Variants in GRIN2A observed in about 807,000 individuals in gnomAD.
The protein encoded by GRIN2A is glutamate ionotropic receptor NMDA type subunit 2A, also known as glutamate receptor ionotropic, NMDA 2A.
A neutral mutation model predicts 113.4 loss-of-function variants in GRIN2A; 22 were observed. The observed-to-expected ratio is 0.19, with a 90% confidence interval of 0.14 to 0.28. The LOEUF is 0.28. GRIN2A is among the 10% of genes least tolerant of loss of function. The pLI is 1.00. For missense variants in GRIN2A, 1,502 were observed against 1,887.0 expected (o/e 0.80, Z 3.78); for synonymous variants, 827 against 738.4 (o/e 1.12, Z -1.94).
At chr16:10,138,302 G>T (rs73514637) in intron 2 of GRIN2A, among the ~76,000 whole-genome samples, 3,609 of 152,266 alleles carry the variant, frequency 0.024, 134 homozygotes, top group African/African-American at 0.083. Flanking sequence ...ACAATGTAAA[G>T]AACTATCTGA....
chr16:10,045,686 T>G (rs533590960), intron 2 of GRIN2A, among the ~76,000 whole-genome samples: 3 of 152,396 alleles, frequency 2.0e-5, no homozygotes, highest in Admixed American at 6.5e-5. Context: ...AAAAGAGCTG[T>G]ATTTGTCTCC....
chr16:9,947,668 T>C (rs2045051634), intron 2 of GRIN2A, among the ~76,000 whole-genome samples: 1 of 152,238 alleles, frequency 6.6e-6, no homozygotes, highest in African/African-American at 2.4e-5. Flanking sequence ...TGTATGTTCC[T>C]GTTATCAAAG....
chr16:9,821,988 A>G (rs1034314331), intron 10 of GRIN2A, among the ~76,000 whole-genome samples: 6 of 152,184 alleles, frequency 3.9e-5, no homozygotes, highest in African/African-American at 7.2e-5. Context: ...AAAATATCCT[A>G]TGGAGTTGGA....
In GRIN2A at chr16:9,938,271, G is replaced by C. The variant is rs747198986; in HGVS notation, c.695C>G (p.Ser232Cys). Residue 232 changes from serine (S) to cysteine (C), a missense_variant, in exon 3 of 13, where the codon TCC becomes TGC. By Grantham distance (112) the Ser-to-Cys change is moderately radical. Around this residue, in one of 7 missense-constraint regions of GRIN2A, gnomAD observed 334 missense variants for 403.0 expected, o/e 0.83. Coordinates refer to ENST00000330684, the MANE Select transcript of GRIN2A (RefSeq NM_001134407.3). ...IHSSVILLYC[S>C]KDEAVLILSE... ...CAGAATGAGAACAGCCTCGTCTTTG[G>C]AACAGTAGAGCAAGATGACAGAAGA... 1 of 1,614,068 alleles carries C rather than the reference G, an allele frequency of 6.2e-7. No homozygotes were observed. The highest frequency in any genetic ancestry group is 1.3e-5 in the African/African-American group (1 of 75,046).
intron 4 of GRIN2A, among the ~76,000 whole-genome samples, chr16:9,889,696 T>C (rs959812255): frequency 6.6e-6 from 1 of 152,236 alleles, no homozygotes; most frequent in Non-Finnish European, 1.5e-5. Flanking sequence ...AATGTCTTTC[T>C]GATTTCTTCT....
At chr16:9,876,872 G>T (rs574595433) in intron 4 of GRIN2A, among the ~76,000 whole-genome samples, 2 of 152,190 alleles carry the variant, frequency 1.3e-5, no homozygotes, top group East Asian at 1.9e-4. Context: ...ATGGGAAAAT[G>T]GTTCAATCCC....
Position 10,180,719 on chromosome 16 carries a change from A to G in GRIN2A, c.-18-290T>C. ...CACTTCCCCATCCCCATCTCTGTCC[A>G]TATCCCCCACCGCATTCCCCAAGTT... On this transcript the variant is annotated intron_variant, in intron 1 of 12. Coordinates refer to ENST00000330684, the MANE Select transcript of GRIN2A (RefSeq NM_001134407.3). This position sits in a 1 kb window ranked among gnomAD's most constrained non-coding sequence, Gnocchi z 7.0. 3.7e-6 allele frequency: 2 copies of G among 539,128 alleles called. No homozygotes were observed. Among genetic ancestry groups the G allele is most frequent in the Non-Finnish European group, 6.6e-6 (2 of 300,828 alleles). The allele number at this position is 539,128 out of a possible 1,614,324, so 33.4% of individuals were successfully genotyped here. A position where few individuals can be genotyped will look rare whatever the true frequency, so the allele number is the denominator to read the frequency against.
chr16:9,835,443 A>G (rs1286716682), intron 7 of GRIN2A, among the ~76,000 whole-genome samples: 1 of 152,160 alleles, frequency 6.6e-6, no homozygotes, highest in Non-Finnish European at 1.5e-5. Context: ...TTACTATTCA[A>G]CTTGATTGAG....
intron 2 of GRIN2A, among the ~76,000 whole-genome samples, chr16:9,972,403 T>A (rs1251072127): frequency 5.3e-5 from 8 of 151,940 alleles, no homozygotes; most frequent in African/African-American, 1.9e-4. Context: ...ACTTTACATA[T>A]AAGAAATAGG....
intron 1 of GRIN2A, among the ~76,000 whole-genome samples, chr16:10,181,174 T>C (rs2050263501): frequency 1.1e-3 from 1 of 910 alleles, no homozygotes; most frequent in African/African-American, 1.6e-3. Context: ...CCTTCACCCC[T>C]ACACGCGCGC....
chr16:9,787,105 T>G (rs1567296381), intron 11 of GRIN2A, among the ~76,000 whole-genome samples: 2 of 152,210 alleles, frequency 1.3e-5, no homozygotes, highest in Non-Finnish European at 2.9e-5. Flanking sequence ...TGCAAAGCCA[T>G]TCTTGTTGGG....
intron 3 of GRIN2A, among the ~76,000 whole-genome samples, chr16:9,907,514 T>A (rs996439817): frequency 6.6e-6 from 1 of 152,178 alleles, no homozygotes; most frequent in African/African-American, 2.4e-5. Context: ...GCTGGTGTGA[T>A]GGAACGGCTC....
intron 4 of GRIN2A, among the ~76,000 whole-genome samples, chr16:9,863,885 G>A (rs915396752): frequency 2.0e-5 from 3 of 152,186 alleles, no homozygotes; most frequent in Non-Finnish European, 4.4e-5. Flanking sequence ...CTTCTTGGAG[G>A]AGAAAACTAG....
At chr16:9,784,725 A>T (rs914255187) in intron 11 of GRIN2A, among the ~76,000 whole-genome samples, 1 of 152,206 alleles carries the variant, frequency 6.6e-6, no homozygotes, top group Non-Finnish European at 1.5e-5. Flanking sequence ...ATCTACAATG[A>T]ACTCAAACAA....
chr16:9,974,574 G>T (rs945828150), intron 2 of GRIN2A, among the ~76,000 whole-genome samples: 2 of 152,178 alleles, frequency 1.3e-5, no homozygotes, highest in Non-Finnish European at 2.9e-5. Flanking sequence ...GAGTCTTGCC[G>T]ATGCTCGCGG....
chr16:10,146,794 C>T (rs1000772983), intron 2 of GRIN2A, among the ~76,000 whole-genome samples: 2 of 152,024 alleles, frequency 1.3e-5, no homozygotes, highest in African/African-American at 2.4e-5. Flanking sequence ...TTCCCCATCC[C>T]TCATGTCCAC....
At chr16:10,046,382 G>A (rs1257705261) in intron 2 of GRIN2A, among the ~76,000 whole-genome samples, 1 of 150,822 alleles carries the variant, frequency 6.6e-6, no homozygotes, top group Non-Finnish European at 1.5e-5. Context: ...GCAACTTTAG[G>A]GTCACCATAC....
At chr16:10,012,364 A>G (rs1279075979) in intron 2 of GRIN2A, among the ~76,000 whole-genome samples, 2 of 152,182 alleles carry the variant, frequency 1.3e-5, no homozygotes, top group Non-Finnish European at 2.9e-5. Flanking sequence ...GTATTAATGC[A>G]TTTAACCCTC....
chr16:10,013,279 C>G (rs1296484026), intron 2 of GRIN2A, among the ~76,000 whole-genome samples: 2 of 152,200 alleles, frequency 1.3e-5, no homozygotes, highest in Non-Finnish European at 2.9e-5. Context: ...CATAGGCTGC[C>G]CTTTTTCCTC....
Sources: gnomAD v4.1 joint callset for allele counts (sites outside exome capture counted in the v4.1 genomes callset) on GRCh38, gnomAD v4.1.1 for gene constraint, gnomAD v4.1.1 regional missense constraint, Gnocchi (gnomAD v3.1) non-coding constraint, MANE v1.5 for transcripts, NCBI Gene and HGNC (gene_info 2026-07-23, HGNC 2026-07-21) for gene names.